The following CTNNA3 variants were observed in gnomAD, a reference collection of about 807,000 sequenced individuals.
The protein encoded by CTNNA3 is catenin alpha 3, also known as catenin alpha-3.
In CTNNA3, 76 loss-of-function variants were observed where a neutral mutation model predicts 95.7. That is an observed-to-expected ratio of 0.79 (90% CI 0.66 to 0.96). The LOEUF (loss-of-function observed/expected upper bound fraction) is 0.96, where lower values mean the gene tolerates loss of function less well. CTNNA3 is among the 40% of genes least tolerant of loss of function. CTNNA3 has a pLI of 0.00. For synonymous variants in CTNNA3, 431 were observed against 374.4 expected (o/e 1.15, Z -1.74); for missense variants, 1,191 against 1,089.8 (o/e 1.09, Z -1.31).
intron 15 of CTNNA3, 127 bp from the exon 16 acceptor site, chr10:65,988,924 C>A (rs1350532259): frequency 1.6e-6 from 1 of 611,220 alleles, no homozygotes; most frequent in East Asian, 2.8e-5. Context: ...ATTCGCATCC[C>A]AAAGAACGGC....
chr10:66,085,150 AG>A (rs995883705), intron 14 of CTNNA3: 1 of 152,154 alleles, frequency 6.6e-6, no homozygotes, highest in African/African-American at 2.4e-5. Context: ...TGATAAAAAA[AG>A]AGAGTTTAAA....
At chr10:66,928,765 TTC>T (rs1383978600) in intron 7 of CTNNA3, among the ~76,000 whole-genome samples, 2 of 152,248 alleles carry the variant, frequency 1.3e-5, no homozygotes, top group African/African-American at 4.8e-5. Context: ...AAGATAAAAC[TTC>T]TTTCATAAGT....
At chr10:66,831,659 G>A in intron 7 of CTNNA3, among the ~76,000 whole-genome samples, 1 of 151,968 alleles carries the variant, frequency 6.6e-6, no homozygotes, top group Non-Finnish European at 1.5e-5. Context: ...GCACACAGTA[G>A]CAATTCAATA....
chr10:66,552,959 T>C (rs554577635), intron 10 of CTNNA3, among the ~76,000 whole-genome samples: 1 of 151,002 alleles, frequency 6.6e-6, no homozygotes, highest in African/African-American at 2.4e-5. Context: ...AAAAATATGC[T>C]GAGTGATTTT....
chr10:66,925,744 A>G (rs1291994523), intron 7 of CTNNA3, among the ~76,000 whole-genome samples: 2 of 152,226 alleles, frequency 1.3e-5, no homozygotes, highest in African/African-American at 4.8e-5. Flanking sequence ...TGTGAACTTA[A>G]TGTCAAGCTC....
At chr10:67,718,868 A>T (rs1250684757) in intron 1 of CTNNA3, among the ~76,000 whole-genome samples, 2 of 152,206 alleles carry the variant, frequency 1.3e-5, no homozygotes, top group Non-Finnish European at 1.5e-5. Context: ...GAATAGTTTC[A>T]GAAGGAATGG....
intron 7 of CTNNA3, among the ~76,000 whole-genome samples, chr10:66,967,065 C>G (rs1411021973): frequency 2.6e-5 from 4 of 151,876 alleles, no homozygotes; most frequent in Non-Finnish European, 4.4e-5. Flanking sequence ...GAACCTGGTA[C>G]CACTATAAGC....
At chr10:66,596,251 T>A (rs957292933) in intron 10 of CTNNA3, among the ~76,000 whole-genome samples, 1 of 152,072 alleles carries the variant, frequency 6.6e-6, no homozygotes, top group African/African-American at 2.4e-5. Flanking sequence ...TCCACTAGGA[T>A]CTCTACCCAT....
chr10:66,001,841 G>A (rs950299054), intron 15 of CTNNA3, among the ~76,000 whole-genome samples: 2 of 151,820 alleles, frequency 1.3e-5, no homozygotes, highest in East Asian at 1.9e-4. Flanking sequence ...GGATTATATT[G>A]AGTTCCTTCT....
chr10:66,258,015 G>T (rs1054515944), intron 13 of CTNNA3, among the ~76,000 whole-genome samples: 1 of 151,988 alleles, frequency 6.6e-6, no homozygotes, highest in Non-Finnish European at 1.5e-5. Flanking sequence ...GAACAATTCT[G>T]CCCCAGGGAA....
chr10:67,073,428 C>G, intron 7 of CTNNA3, among the ~76,000 whole-genome samples: 1 of 151,906 alleles, frequency 6.6e-6, no homozygotes, highest in Non-Finnish European at 1.5e-5. Context: ...GTCTAAATAT[C>G]ACCAAATTCT....
intron 11 of CTNNA3, among the ~76,000 whole-genome samples, chr10:66,463,543 C>G (rs889847985): frequency 6.6e-6 from 1 of 152,040 alleles, no homozygotes. Flanking sequence ...AAATAGATCA[C>G]TCTGGGCTAA....
At chr10:66,922,273 C>T (rs1030164841) in intron 7 of CTNNA3, among the ~76,000 whole-genome samples, 3 of 152,160 alleles carry the variant, frequency 2.0e-5, no homozygotes, top group African/African-American at 7.2e-5. Context: ...TTTCTAAATA[C>T]ATAATGCAAT....
At chr10:66,913,385 C>T (rs955280772) in intron 7 of CTNNA3, among the ~76,000 whole-genome samples, 16 of 151,840 alleles carry the variant, frequency 1.1e-4, no homozygotes, top group Admixed American at 1.0e-3. Flanking sequence ...AGATCTTCAG[C>T]TCCCATTTTC....
At chr10:66,733,675 G>A (rs1001824996) in intron 9 of CTNNA3, among the ~76,000 whole-genome samples, 3 of 151,586 alleles carry the variant, frequency 2.0e-5, no homozygotes, top group Non-Finnish European at 4.4e-5. Flanking sequence ...TTACTCAGAT[G>A]TATATATAAT....
intron 5 of CTNNA3, among the ~76,000 whole-genome samples, chr10:67,323,948 T>C (rs941932764): frequency 2.0e-5 from 3 of 152,154 alleles, no homozygotes; most frequent in African/African-American, 7.2e-5. Context: ...TTCTGTGGTG[T>C]TTTATTTTAC....
chr10:66,442,686 A>G (rs1259654109), intron 11 of CTNNA3, among the ~76,000 whole-genome samples: 1 of 152,190 alleles, frequency 6.6e-6, no homozygotes, highest in East Asian at 1.9e-4. Flanking sequence ...TGGAGCCAAG[A>G]TGGCCGAATA....
intron 12 of CTNNA3, among the ~76,000 whole-genome samples, chr10:66,358,065 T>A (rs1210551601): frequency 2.0e-5 from 3 of 152,336 alleles, no homozygotes; most frequent in Non-Finnish European, 4.4e-5. Flanking sequence ...ATTATTATCC[T>A]TTTAGTGTCC....
chr10:67,655,765 A>T (rs1840003897), intron 1 of CTNNA3, among the ~76,000 whole-genome samples: 1 of 149,796 alleles, frequency 6.7e-6, no homozygotes, highest in African/African-American at 2.5e-5. Context: ...ATCGTGAAAC[A>T]GAGCGAGACT....
Sources: allele counts gnomAD v4.1 joint callset (sites outside exome capture counted in the v4.1 genomes callset), GRCh38; gene constraint gnomAD v4.1.1; transcripts MANE v1.5; gene names NCBI Gene and HGNC (gene_info 2026-07-23, HGNC 2026-07-21).